The following ZFHX3 variants were observed in gnomAD, a reference collection of about 807,000 sequenced individuals.
The protein encoded by ZFHX3 is zinc finger homeobox 3, also known as zinc finger homeobox protein 3.
A neutral mutation model predicts 279.1 loss-of-function variants in ZFHX3; 42 were observed. That is an observed-to-expected ratio of 0.15 (90% CI 0.12 to 0.19). The LOEUF (loss-of-function observed/expected upper bound fraction) is 0.19. Ranked by LOEUF, ZFHX3 falls within the 10% of genes least tolerant of loss-of-function variation. The probability of loss-of-function intolerance (pLI) is 1.00; values close to 1 mark genes in which losing one functional copy is unlikely to be tolerated. For synonymous variants in ZFHX3, 2,293 were observed against 1,957.8 expected (o/e 1.17, Z -4.52); for missense variants, 4,981 against 4,754.0 (o/e 1.05, Z -1.40).
At chr16:72,909,562 A>G (rs1400293561) in intron 3 of ZFHX3, among the ~76,000 whole-genome samples, 2 of 152,156 alleles carry the variant, frequency 1.3e-5, no homozygotes, top group Non-Finnish European at 2.9e-5. Context: ...TAAGCAAAAT[A>G]AGTTTCTTAC....
At chr16:73,340,488 C>A (rs13337240) in intron 3 of ZFHX3, among the ~76,000 whole-genome samples, 10 of 152,192 alleles carry the variant, frequency 6.6e-5, no homozygotes, top group African/African-American at 2.4e-4. Flanking sequence ...TCCTGAGTAG[C>A]TGGGATTATA....
intron 2 of ZFHX3, among the ~76,000 whole-genome samples, chr16:73,648,584 G>C (rs919714519): frequency 1.3e-5 from 2 of 151,848 alleles, no homozygotes; most frequent in African/African-American, 4.8e-5. Flanking sequence ...GTTTTGTTTT[G>C]TTTTTTTAGT....
chr16:73,130,857 C>CCACT, intron 7 of ZFHX3: 1 of 917,784 alleles, frequency 1.1e-6, no homozygotes, highest in Non-Finnish European at 1.4e-6. Context: ...ATCCACCTGC[C>CCACT]TCGGCCTCCC....
At chr16:72,989,390 G>A (rs1962982665) in intron 1 of ZFHX3, among the ~76,000 whole-genome samples, 1 of 151,704 alleles carries the variant, frequency 6.6e-6, no homozygotes, top group South Asian at 2.1e-4. Flanking sequence ...GCTGAGGCAG[G>A]AGAATTGCTT....
rs187533869 is a variant in ZFHX3 at position 73,042,586 on chromosome 16, C to T, written c.-50+5166G>A. Among the ~76,000 whole-genome samples, 347 of 152,176 alleles carry T rather than the reference C, an allele frequency of 2.3e-3. 2 individuals carry two copies. The highest frequency in any genetic ancestry group is 2.0e-3 in the Non-Finnish European group (136 of 68,008). Reference sequence around the variant, plus strand: ...ACCCCAAATCACCCCAAGTACTCAGCCCTACTCAATAACTAACACCCTCTC... The same window carrying T: ...ACCCCAAATCACCCCAAGTACTCAGTCCTACTCAATAACTAACACCCTCTC... On this transcript the variant is annotated intron_variant, in intron 1 of 9. Coordinates refer to ENST00000268489, the MANE Select transcript of ZFHX3 (RefSeq NM_006885.4).
At chr16:73,087,254 G>A (rs768671925) in intron 8 of ZFHX3, among the ~76,000 whole-genome samples, 2 of 152,160 alleles carry the variant, frequency 1.3e-5, no homozygotes, top group Non-Finnish European at 2.9e-5. Context: ...ACTACCTGTT[G>A]TGGGTTTGTG....
At chr16:73,801,023 C>T (rs1044275627) in intron 1 of ZFHX3, among the ~76,000 whole-genome samples, 10 of 152,174 alleles carry the variant, frequency 6.6e-5, no homozygotes, top group African/African-American at 2.4e-4. Context: ...CCGTAATGAG[C>T]AAAACCAACA....
rs1009021838 is a variant in ZFHX3 at position 73,800,534 on chromosome 16, T to C, written c.-1608+91117A>G. On this transcript the variant is annotated intron_variant, in intron 1 of 17. Transcript: ENST00000641206. ...GCTGGGCCTACTATTGTTATTTATG[T>C]TGTGCTTTTTCTTCTTCTTCCTCCT... 3.3e-5 allele frequency among the ~76,000 whole-genome samples: 5 copies of C among 152,210 alleles called. No individual in the cohort carries two copies. In the East Asian group the frequency reaches 7.7e-4, roughly 24 times the overall value.
At chr16:73,405,599 T>C (rs72799457) in intron 3 of ZFHX3, among the ~76,000 whole-genome samples, 2 of 152,062 alleles carry the variant, frequency 1.3e-5, no homozygotes, top group African/African-American at 4.8e-5. Flanking sequence ...TTTGTTTTTT[T>C]TTTTTAAGAA....
chr16:73,655,620 G>A (rs559513254), intron 2 of ZFHX3, among the ~76,000 whole-genome samples: 1 of 152,014 alleles, frequency 6.6e-6, no homozygotes, highest in Non-Finnish European at 1.5e-5. Context: ...AATAATTATG[G>A]TTATGCAAAC....
At chr16:73,214,283 G>A (rs562080441) in intron 5 of ZFHX3, among the ~76,000 whole-genome samples, 4 of 152,206 alleles carry the variant, frequency 2.6e-5, no homozygotes, top group African/African-American at 9.6e-5. Context: ...GGGCTACCAG[G>A]CTGGATGCAG....
chr16:73,469,707 G>T (rs1383977119), intron 2 of ZFHX3, among the ~76,000 whole-genome samples: 4 of 151,842 alleles, frequency 2.6e-5, no homozygotes, highest in African/African-American at 9.7e-5. Context: ...AACCTCTGCT[G>T]CCCAGGTTCA....
At chr16:73,858,064 C>G (rs991529898) in intron 1 of ZFHX3, among the ~76,000 whole-genome samples, 2 of 151,284 alleles carry the variant, frequency 1.3e-5, no homozygotes, top group African/African-American at 4.9e-5. Flanking sequence ...CCACTGTACT[C>G]CAGCCTGGGC....
intron 2 of ZFHX3, among the ~76,000 whole-genome samples, chr16:73,631,213 G>T (rs1270169866): frequency 6.6e-6 from 1 of 152,114 alleles, no homozygotes; most frequent in South Asian, 2.1e-4. Flanking sequence ...ATATGTAAAG[G>T]CTCTGAAACT....
chr16:73,380,619 T>A (rs1292008050), intron 3 of ZFHX3, among the ~76,000 whole-genome samples: 1 of 152,218 alleles, frequency 6.6e-6, no homozygotes, highest in African/African-American at 2.4e-5. Context: ...CTACTAGCAT[T>A]AAGCACCCAG....
chr16:73,681,705 T>C (rs982295887), intron 1 of ZFHX3, among the ~76,000 whole-genome samples: 1 of 152,216 alleles, frequency 6.6e-6, no homozygotes, highest in Non-Finnish European at 1.5e-5. Flanking sequence ...GGACTTAATA[T>C]CCTGTGCTTC....
At chr16:73,131,058 G>C in exon 7 of ZFHX3, 1 of 1,188,364 alleles carries the variant, frequency 8.4e-7, no homozygotes, top group Non-Finnish European at 1.1e-6. Context: ...GTCCCTTGCT[G>C]GCTCTTGTTA....
At position 73,001,645 on chromosome 16, in the gene ZFHX3, T is replaced by C. The variant is rs144437380; in HGVS notation, c.-49-41451A>G. ...CTGGGCAAGATAGCAAGACTCTGTC[T>C]CTACAAAATTTTTTTTAAAAAAAGG... On this transcript the variant is annotated intron_variant, in intron 1 of 9. Coordinates refer to ENST00000268489, the MANE Select transcript of ZFHX3 (RefSeq NM_006885.4). Among the ~76,000 whole-genome samples the C allele has an allele frequency of 1.5e-3, 230 of 151,926 alleles. 1 individual carries two copies. Among genetic ancestry groups the C allele is most frequent in the African/African-American group, 5.4e-3 (223 of 41,394 alleles).
intron 4 of ZFHX3, among the ~76,000 whole-genome samples, chr16:72,883,282 T>C (rs2038542176): frequency 6.6e-6 from 1 of 152,038 alleles, no homozygotes; most frequent in South Asian, 2.1e-4. Context: ...AAATGCAAAA[T>C]GCAGGAGAAT....
Sources: gnomAD v4.1 joint callset for allele counts (sites outside exome capture counted in the v4.1 genomes callset) on GRCh38, gnomAD v4.1.1 for gene constraint, MANE v1.5 for transcripts, NCBI Gene and HGNC (gene_info 2026-07-23, HGNC 2026-07-21) for gene names.